Variants in TMCO4 observed in about 807,000 individuals in gnomAD.
TMCO4 encodes the protein transmembrane and coiled-coil domain-containing protein 4.
A neutral mutation model predicts 64.7 loss-of-function variants in TMCO4; 58 were observed. The ratio of observed to expected loss-of-function variants is 0.90; its 90% CI spans 0.73 to 1.12. The LOEUF is 1.12. TMCO4 is among the 50% of genes most tolerant of loss of function. The pLI is 0.00. For missense variants in TMCO4, 780 were observed against 825.9 expected (o/e 0.94, Z 0.68); for synonymous variants, 325 against 346.1 (o/e 0.94, Z 0.68).
chr1:19,703,190 T>A (rs2095283492), intron 13 of TMCO4, among the ~76,000 whole-genome samples: 1 of 152,238 alleles, frequency 6.6e-6, no homozygotes, highest in South Asian at 2.1e-4. Context: ...TTTACAGGCT[T>A]TGACATCAGG....
At chr1:19,699,703 G>T (rs573624214) in intron 14 of TMCO4, among the ~76,000 whole-genome samples, 1 of 152,102 alleles carries the variant, frequency 6.6e-6, no homozygotes, top group Middle Eastern at 3.4e-3. Context: ...CCTACGTTTG[G>T]TGCTCACTGA....
intron 6 of TMCO4, among the ~76,000 whole-genome samples, chr1:19,761,649 T>C (rs1306312923): frequency 1.3e-5 from 2 of 152,200 alleles, no homozygotes; most frequent in African/African-American, 4.8e-5. Flanking sequence ...TTAGGGAACA[T>C]CAAGGTCCCA....
intron 2 of TMCO4, among the ~76,000 whole-genome samples, chr1:19,791,810 G>A (rs1309124895): frequency 6.6e-6 from 1 of 152,214 alleles, no homozygotes; most frequent in Non-Finnish European, 1.5e-5. Context: ...AGCCTCCTGA[G>A]GTTCTTGTCC....
At chr1:19,697,786 T>TG (rs1165075580) in intron 14 of TMCO4, among the ~76,000 whole-genome samples, 6 of 151,468 alleles carry the variant, frequency 4.0e-5, no homozygotes, top group African/African-American at 1.2e-4. Context: ...TTTTTTTTTT[T>TG]TTTTTGTGGA....
At chr1:19,739,687 G>C in intron 12 of TMCO4, 137 bp downstream of exon 12, 2 of 1,259,050 alleles carry the variant, frequency 1.6e-6, no homozygotes, top group South Asian at 3.0e-5. Context: ...TGGAGAGGCA[G>C]CAAGGACTGC....
intron 15 of TMCO4, among the ~76,000 whole-genome samples, chr1:19,690,220 G>A (rs1293271925): frequency 6.6e-6 from 1 of 152,230 alleles, no homozygotes; most frequent in Non-Finnish European, 1.5e-5. Flanking sequence ...CTGGACAAGA[G>A]CTTGGGACCC....
At position 19,740,831 on chromosome 1, in the gene TMCO4, T is replaced by C; in HGVS notation, c.988A>G (p.Ser330Gly). Residue 330 changes from serine (S) to glycine (G), a missense_variant, in exon 11 of 16, where the codon AGT becomes GGT. Coordinates refer to ENST00000294543, the MANE Select transcript of TMCO4 (RefSeq NM_181719.7). Reference sequence around the variant, plus strand: ...TGGGCCACCATGTTGGCGAGACCACTGAGGATGGTCTCCAGGGCATTGCCG... The same window carrying C: ...TGGGCCACCATGTTGGCGAGACCACCGAGGATGGTCTCCAGGGCATTGCCG... ...ELGNALETIL[S>G]GLANMVAQEA... The C allele has an allele frequency of 6.2e-7, 1 of 1,614,082 alleles. No individual in the cohort carries two copies. Among genetic ancestry groups the C allele is most frequent in the Admixed American group, 1.7e-5 (1 of 60,020 alleles).
intron 9 of TMCO4, among the ~76,000 whole-genome samples, chr1:19,745,886 T>C (rs1165925832): frequency 6.6e-6 from 1 of 152,156 alleles, no homozygotes; most frequent in East Asian, 1.9e-4. Context: ...AGAGCTGGTT[T>C]GGACCTCAGA....
chr1:19,714,000 G>A (rs951954010), intron 13 of TMCO4, among the ~76,000 whole-genome samples: 1 of 152,122 alleles, frequency 6.6e-6, no homozygotes, highest in African/African-American at 2.4e-5. Context: ...GCAGTGGTGT[G>A]ATCTCAGCTC....
chr1:19,789,023 C>G (rs956746041), intron 2 of TMCO4, among the ~76,000 whole-genome samples: 1 of 149,652 alleles, frequency 6.7e-6, no homozygotes, highest in South Asian at 2.1e-4. Context: ...TGCAGTGAGC[C>G]GAGATCGCAT....
At chr1:19,740,133 A>G (rs1410228121) in intron 11 of TMCO4, among the ~76,000 whole-genome samples, 173 bp from the exon 12 acceptor site, 1 of 152,196 alleles carries the variant, frequency 6.6e-6, no homozygotes, top group Non-Finnish European at 1.5e-5. Flanking sequence ...AATTTCTGAT[A>G]TATGGACTCA....
chr1:19,789,065 ACT>A (rs1426268507), intron 2 of TMCO4, among the ~76,000 whole-genome samples: 2 of 147,260 alleles, frequency 1.4e-5, no homozygotes, highest in African/African-American at 2.5e-5. Flanking sequence ...ACAGAGTGAG[ACT>A]CTGTCTCACA....
intron 13 of TMCO4, among the ~76,000 whole-genome samples, chr1:19,704,903 C>T (rs1259569420): frequency 6.6e-6 from 1 of 152,210 alleles, no homozygotes; most frequent in Non-Finnish European, 1.5e-5. Context: ...ATCTCTGAAG[C>T]TGGGCTGGCA....
At chr1:19,780,914 G>C in intron 3 of TMCO4, 148 bp from the exon 4 acceptor site, 1 of 665,118 alleles carries the variant, frequency 1.5e-6, no homozygotes, top group Non-Finnish European at 2.5e-6. Context: ...AGGAGAGTGA[G>C]AACACACACT....
At chr1:19,685,027 G>A (rs2095135171) in intron 15 of TMCO4, among the ~76,000 whole-genome samples, 1 of 152,102 alleles carries the variant, frequency 6.6e-6, no homozygotes, top group South Asian at 2.1e-4. Flanking sequence ...CAACCCTAGT[G>A]TATTTAAGAC....
At chr1:19,797,493 A>C (rs2044363449) in intron 2 of TMCO4, among the ~76,000 whole-genome samples, 1 of 152,076 alleles carries the variant, frequency 6.6e-6, no homozygotes, top group African/African-American at 2.4e-5. Flanking sequence ...GTGGTCTGAG[A>C]TGCGGCTGGA....
At chr1:19,694,305 A>C (rs566862153) in intron 15 of TMCO4, 129 bp downstream of exon 15, 6 of 787,824 alleles carry the variant, frequency 7.6e-6, no homozygotes, top group Non-Finnish European at 1.2e-5. Context: ...CCTGGCTCCA[A>C]ATAAATTCTT....
intron 3 of TMCO4, among the ~76,000 whole-genome samples, chr1:19,785,798 A>G (rs2043710702): frequency 6.6e-6 from 1 of 152,128 alleles, no homozygotes; most frequent in Admixed American, 6.6e-5. Flanking sequence ...GGTCAGGGGG[A>G]GGAACAGTGA....
At chr1:19,785,732 C>T (rs1242385223) in intron 3 of TMCO4, among the ~76,000 whole-genome samples, 2 of 152,160 alleles carry the variant, frequency 1.3e-5, no homozygotes, top group East Asian at 3.8e-4. Context: ...GTTGCAGAAT[C>T]CATGCCCTCA....
Sources: allele counts gnomAD v4.1 joint callset (sites outside exome capture counted in the v4.1 genomes callset), GRCh38; gene constraint gnomAD v4.1.1; transcripts MANE v1.5; gene names NCBI Gene and HGNC (gene_info 2026-07-23, HGNC 2026-07-21).